ATG9A: variants seen among roughly 807,000 people sequenced by gnomAD.
ATG9A encodes autophagy related 9A.
Under a neutral mutation model 87.1 loss-of-function variants are expected in ATG9A, and 21 were observed. That is an observed-to-expected ratio of 0.24 (90% confidence interval 0.17 to 0.35). The LOEUF (loss-of-function observed/expected upper bound fraction) is 0.35. Ranked by LOEUF, ATG9A falls within the 10% of genes least tolerant of loss-of-function variation. The pLI is 1.00. For synonymous variants in ATG9A, 422 were observed against 441.3 expected, an observed-to-expected ratio of 0.96 and a Z score of 0.55; for missense variants, 836 against 1,107.3, an observed-to-expected ratio of 0.76 and a Z score of 3.48.
rs1038954414 is a variant in ATG9A at position 219,224,658 on chromosome 2, C to T, written c.713G>A (p.Gly238Glu). ...ACCACGGGTGAAGAAGACAGCTTCC[C>T]CGAGGCCAGGCAGGCGGAAGCGCAG... ...LPLRFRLPGLGEAVFFTRGLK... is the reference protein window; with the variant it reads ...LPLRFRLPGLEEAVFFTRGLK... The change falls in exon 8 of 16, where the codon GGG becomes GAG. Residue 238 changes from glycine to glutamate, a missense_variant. Coordinates refer to ENST00000361242, the MANE Select transcript of ATG9A (RefSeq NM_001077198.3). The surrounding 1 kb of genome is among the most constrained non-coding windows in gnomAD (Gnocchi z 7.7). 6.2e-7 allele frequency: 1 copy of T among 1,614,180 alleles called. No homozygotes were observed. Among genetic ancestry groups the T allele is most frequent in the South Asian group, 1.1e-5 (1 of 91,082 alleles).
chr2:219,222,272 C>T lies in ATG9A; in HGVS notation c.2027G>A (p.Gly676Glu). 1.2e-6 allele frequency: 2 copies of T among 1,613,476 alleles called. No individual in the cohort carries two copies. Among genetic ancestry groups the T allele is most frequent in the Non-Finnish European group, 1.7e-6 (2 of 1,180,014 alleles). The change falls in exon 12 of 16, where the codon GGG (glycine) becomes GAG (glutamate). Residue 676 changes from glycine (G) to glutamate (E), a missense_variant and splice_region_variant. Gly to Glu is a moderately conservative substitution (Grantham distance 98, BLOSUM62 -2). This residue lies in a region of ATG9A where 324 missense variants were observed against 347.6 expected (regional missense o/e 0.93). Transcript: ENST00000361242. The surrounding 1 kb of genome is among the most constrained non-coding windows in gnomAD (Gnocchi z 4.3). The stretch of plus-strand genomic sequence containing the variant: ...CCCATCTTGGCCCCGATTTACTCAC[C>T]CAGAGCCTGTCATGGTGCTGTGAGC... ...GRAHSTMTGS[G>E]VDARTASSGS...
At position 219,225,195 on chromosome 2, in the gene ATG9A, G is replaced by A; in HGVS notation, c.392C>T (p.Ser131Phe). 3 of 1,614,056 alleles carry A rather than the reference G, an allele frequency of 1.9e-6. No individual in the cohort carries two copies. The highest frequency in any genetic ancestry group is 2.5e-6 in the Non-Finnish European group (3 of 1,179,968). Residue 131 changes from serine (S) to phenylalanine (F), a missense_variant, in exon 7 of 16, where the codon TCC (serine) becomes TTC (phenylalanine). By Grantham distance (155) the Ser-to-Phe change is radical (BLOSUM62 -2). Transcript: ENST00000361242. ...AGCAATGACCAGGATGGTGATAAGGGAGCCATTTTCCTGAATCCTGGTGGG... is the reference window on the plus strand; with the variant it reads ...AGCAATGACCAGGATGGTGATAAGGAAGCCATTTTCCTGAATCCTGGTGGG... ...VCSARIQENG[S>F]LITILVIAGV...
chr2:219,225,720 G>T, intron 5 of ATG9A, 148 bp from the exon 6 acceptor site: 1 of 846,742 alleles, frequency 1.2e-6, no homozygotes, highest in Non-Finnish European at 1.8e-6. Flanking sequence ...CTGCTCCTCA[G>T]CCCCACAGGA....
At chr2:219,220,655 G>A (rs1559242227) in intron 15 of ATG9A, 92 bp downstream of exon 15, 2 of 1,525,484 alleles carry the variant, frequency 1.3e-6, no homozygotes, top group Admixed American at 1.8e-5. Context: ...TCTGTGTGGG[G>A]GTGGGGCATA....
intron 6 of ATG9A, 51 bp from the exon 7 acceptor site, chr2:219,225,263 TG>T: frequency 6.2e-7 from 1 of 1,611,952 alleles, no homozygotes; most frequent in Non-Finnish European, 8.5e-7. Flanking sequence ...GAAGGAGTCT[TG>T]GCAGAGACGC....
At position 219,224,996 on chromosome 2, in the gene ATG9A, T is replaced by G. The variant is rs1210718769; in HGVS notation, c.516+75A>C. ...TTTGTCAATGACAGATAAGGATAAC[T>G]GATGCCCAGGAATACACCCACACCT... On this transcript the variant is annotated intron_variant, in intron 7 of 15. Transcript: ENST00000361242. This position sits in a 1 kb window ranked among gnomAD's most constrained non-coding sequence, Gnocchi z 7.7. 6.3e-7 allele frequency: 1 copy of G among 1,592,936 alleles called. No individual in the cohort carries two copies. The highest frequency in any genetic ancestry group is 1.3e-5 in the African/African-American group (1 of 74,452).
rs1300899488 is a variant in ATG9A, at chr2:219,223,720, G to A, written c.1464C>T (p.Leu488=). The change falls in exon 10 of 16, where the codon CTC becomes CTT. Residue 488 remains leucine, a synonymous_variant. Transcript: ENST00000361242. This position sits in a 1 kb window ranked among gnomAD's most constrained non-coding sequence, Gnocchi z 4.7. Reference sequence around the variant, plus strand: ...GTGGGCGCAGGCAGAAGATGAGGATGAGGGGTGTGACAATGGGGCTCAGCA... The same window carrying A: ...GTGGGCGCAGGCAGAAGATGAGGATAAGGGGTGTGACAATGGGGCTCAGCA... The part of the protein sequence containing the change: ...EELLSPIVTP[L]ILIFCLRPRA... 15 of 1,613,686 alleles carry A rather than the reference G, an allele frequency of 9.3e-6. No individual in the cohort carries two copies. The highest frequency in any genetic ancestry group is 1.3e-5 in the African/African-American group (1 of 74,962).
rs769290007 is a variant in ATG9A, at chr2:219,223,711, G to A, written c.1473C>T (p.Ile491=). 6.2e-6 allele frequency: 10 copies of A among 1,613,652 alleles called. No homozygotes were observed. In the Admixed American group the frequency reaches 1.7e-4, roughly 27 times the overall value. ...CCAGGGCCCGTGGGCGCAGGCAGAA[G>A]ATGAGGATGAGGGGTGTGACAATGG... ...LSPIVTPLIL[I]FCLRPRALEI... Residue 491 remains isoleucine, a synonymous_variant, in exon 10 of 16, where the codon ATC becomes ATT. Coordinates refer to ENST00000361242, the MANE Select transcript of ATG9A (RefSeq NM_001077198.3). The surrounding 1 kb of genome is among the most constrained non-coding windows in gnomAD (Gnocchi z 4.7).
At position 219,228,068 on chromosome 2, in the gene ATG9A, G is replaced by A. The variant is rs749909229; in HGVS notation, c.-29-15C>T. On this transcript the variant is annotated splice_polypyrimidine_tract_variant and intron_variant, in intron 2 of 15. Coordinates refer to ENST00000361242, the MANE Select transcript of ATG9A (RefSeq NM_001077198.3). ...ACCTTGACCACCTGCCAATAAGGAGGAAGAAGAGACCCTGATTCAGTTCCA... is the reference window on the plus strand; with the variant it reads ...ACCTTGACCACCTGCCAATAAGGAGAAAGAAGAGACCCTGATTCAGTTCCA... 12 of 1,552,986 alleles carry A rather than the reference G, an allele frequency of 7.7e-6. No homozygotes were observed. Among genetic ancestry groups the A allele is most frequent in the Non-Finnish European group, 1.1e-5 (12 of 1,130,486 alleles).
In ATG9A at chr2:219,227,824, G is replaced by C. The variant is rs775572684; in HGVS notation, c.104-11C>G. Reference sequence around the variant, plus strand: ...TATGGTGCCAAGGTGCTGTGGGATAGGAACAGAGATGTCAGAGCCCTGGGA... The same window carrying C: ...TATGGTGCCAAGGTGCTGTGGGATACGAACAGAGATGTCAGAGCCCTGGGA... On this transcript the variant is annotated splice_polypyrimidine_tract_variant and intron_variant, in intron 3 of 15. Coordinates refer to ENST00000361242, the MANE Select transcript of ATG9A (RefSeq NM_001077198.3). The C allele has an allele frequency of 1.2e-6, 2 of 1,614,026 alleles. No individual in the cohort carries two copies. Among genetic ancestry groups the C allele is most frequent in the Non-Finnish European group, 1.7e-6 (2 of 1,179,902 alleles).
intron 5 of ATG9A, 25 bp from the exon 6 acceptor site, chr2:219,225,597 C>A (rs1490701753): frequency 3.0e-5 from 49 of 1,610,666 alleles, no homozygotes; most frequent in Non-Finnish European, 4.2e-5. Context: ...AGAAGGGGTG[C>A]AGTCTGAGAG....
chr2:219,224,297 G>A lies in ATG9A; in HGVS notation c.1074C>T (p.Tyr358=). The A allele has an allele frequency of 6.2e-7, 1 of 1,613,968 alleles. No individual in the cohort carries two copies. The highest frequency in any genetic ancestry group is 1.1e-5 in the South Asian group (1 of 91,088). The change falls in exon 8 of 16, where the codon TAC becomes TAT. Residue 358 remains tyrosine (Y), a synonymous_variant. Coordinates refer to ENST00000361242, the MANE Select transcript of ATG9A (RefSeq NM_001077198.3). This position sits in a 1 kb window ranked among gnomAD's most constrained non-coding sequence, Gnocchi z 7.7. ...AATTCATGTACTTGGAGGCGGGCTT[G>A]TAGCCACGGTTGAGGCGGGACTGCA... The part of the protein sequence containing the change: ...HELQSRLNRG[Y]KPASKYMNCF...
chr2:219,220,769 T>C lies in ATG9A; in HGVS notation c.2492A>G (p.Glu831Gly). Residue 831 changes from glutamate (E) to glycine (G), a missense_variant, in exon 15 of 16, where the codon GAG becomes GGG. Physicochemically the swap from Glu to Gly is moderately conservative, Grantham distance 98. Around this residue, in one of 2 missense-constraint regions of ATG9A, gnomAD observed 324 missense variants for 347.6 expected, o/e 0.93. Transcript: ENST00000361242. ...TACCTTGTGCACCTGAGGGGGTAGCTCATCCTCCGAGCCCTCTTCGGGCAC... is the reference window on the plus strand; with the variant it reads ...TACCTTGTGCACCTGAGGGGGTAGCCCATCCTCCGAGCCCTCTTCGGGCAC... ...EPVPEEGSEDELPPQVHKV is the reference protein window; with the variant it reads ...EPVPEEGSEDGLPPQVHKV 6.2e-7 allele frequency: 1 copy of C among 1,613,398 alleles called. No homozygotes were observed. The highest frequency in any genetic ancestry group is 8.5e-7 in the Non-Finnish European group (1 of 1,179,902).
Position 219,224,783 on chromosome 2 carries a change from G to T in ATG9A, c.588C>A (p.Ile196=). 6.2e-7 allele frequency: 1 copy of T among 1,614,224 alleles called. No individual in the cohort carries two copies. The highest frequency in any genetic ancestry group is 8.5e-7 in the Non-Finnish European group (1 of 1,180,046). ...CTGTCAGCTCACGTTTGTGGATGCA[G>T]ATCTGGTGCTCCTTCTGCGTCTGCA... The part of the protein sequence containing the change: ...RIVQTQKEHQ[I]CIHKRELTEL... Residue 196 remains isoleucine (I), a synonymous_variant, in exon 8 of 16, where the codon ATC becomes ATA. Transcript: ENST00000361242. The surrounding 1 kb of genome is among the most constrained non-coding windows in gnomAD (Gnocchi z 7.7).
chr2:219,227,750 C>T lies in ATG9A; in HGVS notation c.147+20G>A, dbSNP rs1217155775. The T allele has an allele frequency of 1.9e-6, 3 of 1,613,564 alleles. No individual in the cohort carries two copies. Among genetic ancestry groups the T allele is most frequent in the Non-Finnish European group, 2.5e-6 (3 of 1,179,494 alleles). On this transcript the variant is annotated intron_variant, in intron 4 of 15. Transcript: ENST00000361242. ...GACATTAAAGGTCCCAGAGCTCCAA[C>T]TCAGAAACACAAAGGATATTCGAGA...
In ATG9A at chr2:219,220,895, GGA is replaced by G; in HGVS notation, c.2369-5_2369-4del. On this transcript the variant is annotated splice_polypyrimidine_tract_variant and splice_region_variant and intron_variant, in intron 14 of 15. Coordinates refer to ENST00000361242, the MANE Select transcript of ATG9A (RefSeq NM_001077198.3). ...AACCCTGGGCACTGTGCCAGGATCT[GGA>G]GAGACAAGTAAGAGTAAGCATACTC... 1.2e-6 allele frequency: 2 copies of G among 1,613,048 alleles called. No homozygotes were observed. The highest frequency in any genetic ancestry group is 1.7e-6 in the Non-Finnish European group (2 of 1,179,872).
At position 219,220,734 on chromosome 2, in the gene ATG9A, C is replaced by A. The variant is rs749287449; in HGVS notation, c.2514+13G>T. ...TATTTCTGGCAGTTTTTCCTAGGCC[C>A]CGGGGCCCTTACCTTGTGCACCTGA... On this transcript the variant is annotated intron_variant, in intron 15 of 15. Coordinates refer to ENST00000361242, the MANE Select transcript of ATG9A (RefSeq NM_001077198.3). The A allele has an allele frequency of 1.2e-6, 2 of 1,610,292 alleles. No individual in the cohort carries two copies. The highest frequency in any genetic ancestry group is 1.7e-6 in the Non-Finnish European group (2 of 1,178,042).
In ATG9A at chr2:219,222,902, G is replaced by GA. The variant is rs756342646; in HGVS notation, c.1600-10_1600-9insT. On this transcript the variant is annotated splice_polypyrimidine_tract_variant and intron_variant, in intron 10 of 15. Coordinates refer to ENST00000361242, the MANE Select transcript of ATG9A (RefSeq NM_001077198.3). The surrounding 1 kb of genome is among the most constrained non-coding windows in gnomAD (Gnocchi z 4.3). ...TGCCCAGCAGATAGCCACTGCACAA[G>GA]GAAGAGCAGAGTAAGCAGGGCTGTT... 6.2e-7 allele frequency: 1 copy of GA among 1,613,776 alleles called. No individual in the cohort carries two copies. Among genetic ancestry groups the GA allele is most frequent in the African/African-American group, 1.3e-5 (1 of 75,006 alleles).
At position 219,225,101 on chromosome 2, in the gene ATG9A, G is replaced by A. The variant is rs370809051; in HGVS notation, c.486C>T (p.Ser162=). ...GGATGCGCAGAGCGTGCAGGTAGAA[G>A]GAGTGGATCTCCCAGTAGCAGCAAA... is the stretch of plus-strand genomic sequence containing the variant. ...YNICCYWEIH[S]FYLHALRIPM... is the part of the protein sequence containing the mutation. Residue 162 remains serine, a synonymous_variant, in exon 7 of 16, where the codon TCC becomes TCT. Coordinates refer to ENST00000361242, the MANE Select transcript of ATG9A (RefSeq NM_001077198.3). 2.9e-4 allele frequency: 467 copies of A among 1,614,116 alleles called. No homozygotes were observed. Among genetic ancestry groups the A allele is most frequent in the Non-Finnish European group, 3.8e-4 (443 of 1,180,052 alleles).
Sources: gnomAD v4.1 joint callset for allele counts on GRCh38, gnomAD v4.1.1 for gene constraint, gnomAD v4.1.1 regional missense constraint, Gnocchi (gnomAD v3.1) non-coding constraint, MANE v1.5 for transcripts, NCBI Gene and HGNC (gene_info 2026-07-23, HGNC 2026-07-21) for gene names.